CNTN5: variants seen among roughly 807,000 people sequenced by gnomAD.
The protein encoded by CNTN5 is contactin 5.
A neutral mutation model predicts 129.1 loss-of-function variants in CNTN5; 77 were observed. That is an observed-to-expected ratio of 0.60 (90% CI 0.50 to 0.72). CNTN5 has a LOEUF of 0.72. Among genes scored for constraint, CNTN5 ranks in the 30% least tolerant of loss-of-function variants. The pLI, the probability that CNTN5 is intolerant of heterozygous loss-of-function variation, is 0.00. For missense variants in CNTN5, 1,478 were observed against 1,328.8 expected (o/e 1.11, Z -1.75); for synonymous variants, 509 against 465.6 (o/e 1.09, Z -1.20).
At chr11:99,212,466 G>T (rs977908082) in intron 1 of CNTN5, among the ~76,000 whole-genome samples, 1 of 152,108 alleles carries the variant, frequency 6.6e-6, no homozygotes, top group Non-Finnish European at 1.5e-5. Context: ...CGTCGAAGGT[G>T]CTTCTGAGCA....
At position 99,347,987 on chromosome 11, in the gene CNTN5, C is replaced by A. The variant is rs562364851; in HGVS notation, c.-71+22503C>A. ...TGCATTTGAACAGCTGAATTTGTTT[C>A]TTTATATGGTTGAATTATCATTAAT... On this transcript the variant is annotated intron_variant, in intron 2 of 24. Coordinates refer to ENST00000524871, the MANE Select transcript of CNTN5 (RefSeq NM_014361.4). Among the ~76,000 whole-genome samples the A allele has an allele frequency of 1.4e-3, 213 of 152,122 alleles. 3 individuals carry two copies. The South Asian group carries it at 0.043, about 31-fold the overall frequency.
intron 6 of CNTN5, among the ~76,000 whole-genome samples, chr11:99,849,562 G>C (rs1303992781): frequency 6.6e-6 from 1 of 151,968 alleles, no homozygotes. Flanking sequence ...CTAAAATCTA[G>C]GTGCTGCAGG....
chr11:99,950,057 T>C (rs1950636716), intron 7 of CNTN5, among the ~76,000 whole-genome samples: 1 of 152,252 alleles, frequency 6.6e-6, no homozygotes, highest in Non-Finnish European at 1.5e-5. Flanking sequence ...ATTATTACTT[T>C]GTTTTGTTCA....
chr11:99,812,535 T>C (rs1205477481), intron 3 of CNTN5, among the ~76,000 whole-genome samples: 1 of 152,182 alleles, frequency 6.6e-6, no homozygotes, highest in Non-Finnish European at 1.5e-5. Context: ...TATATTACTT[T>C]ATTTGATCTT....
intron 2 of CNTN5, among the ~76,000 whole-genome samples, chr11:99,432,726 T>C (rs1212752707): frequency 1.3e-5 from 2 of 151,704 alleles, no homozygotes; most frequent in East Asian, 1.9e-4. Context: ...AAATAGAAGA[T>C]GAAATTGGAG....
At position 99,960,438 on chromosome 11, in the gene CNTN5, T is replaced by G. The variant is rs189419952; in HGVS notation, c.877+3429T>G. Among the ~76,000 whole-genome samples the G allele has an allele frequency of 2.6e-5, 4 of 152,210 alleles. No homozygotes were observed. The East Asian group carries it at 7.7e-4, about 29-fold the overall frequency. On this transcript the variant is annotated intron_variant, in intron 8 of 24. Coordinates refer to ENST00000524871, the MANE Select transcript of CNTN5 (RefSeq NM_014361.4). ...CTTCTATACTTCTTCTTAGACTAACTCTATAAACTGGAAAATCAATAAATA... is the reference window on the plus strand; with the variant it reads ...CTTCTATACTTCTTCTTAGACTAACGCTATAAACTGGAAAATCAATAAATA...
At chr11:99,692,250 A>C (rs1220070842) in intron 3 of CNTN5, among the ~76,000 whole-genome samples, 1 of 152,112 alleles carries the variant, frequency 6.6e-6, no homozygotes, top group South Asian at 2.1e-4. Flanking sequence ...ATTCAAGGTT[A>C]TTGTTATGTG....
At chr11:99,677,955 C>T (rs1417563532) in intron 3 of CNTN5, among the ~76,000 whole-genome samples, 1 of 152,026 alleles carries the variant, frequency 6.6e-6, no homozygotes, top group Admixed American at 6.6e-5. Context: ...CTCCTTGGTA[C>T]TCTCGAAAAA....
intron 22 of CNTN5, among the ~76,000 whole-genome samples, 155 bp from the exon 23 acceptor site, chr11:100,340,938 G>A (rs1319761726): frequency 1.3e-5 from 2 of 152,148 alleles, no homozygotes; most frequent in Admixed American, 6.5e-5. Context: ...GACACTCCTG[G>A]AGCAAAACCC....
At chr11:99,625,400 C>T (rs886917569) in intron 3 of CNTN5, among the ~76,000 whole-genome samples, 1 of 152,134 alleles carries the variant, frequency 6.6e-6, no homozygotes, top group African/African-American at 2.4e-5. Flanking sequence ...AGTAACATCA[C>T]CAGTAACATA....
intron 1 of CNTN5, among the ~76,000 whole-genome samples, chr11:99,051,472 C>T (rs903505823): frequency 1.3e-5 from 2 of 151,822 alleles, no homozygotes; most frequent in Non-Finnish European, 2.9e-5. Context: ...AATTTTTCTG[C>T]GGTGATTTCA....
chr11:99,615,816 T>G (rs997298784), intron 3 of CNTN5, among the ~76,000 whole-genome samples: 3 of 151,386 alleles, frequency 2.0e-5, no homozygotes, highest in Non-Finnish European at 4.4e-5. Flanking sequence ...GGCTGGAGAG[T>G]AGTGGCATGA....
At chr11:99,597,472 G>A (rs751026458) in intron 3 of CNTN5, among the ~76,000 whole-genome samples, 12 of 151,358 alleles carry the variant, frequency 7.9e-5, no homozygotes, top group Non-Finnish European at 1.6e-4. Flanking sequence ...GAGTAGTGAG[G>A]GGAGCTTGGA....
intron 21 of CNTN5, among the ~76,000 whole-genome samples, chr11:100,313,423 A>C (rs1440925914): frequency 6.8e-6 from 1 of 146,800 alleles, no homozygotes; most frequent in Non-Finnish European, 1.5e-5. Context: ...TCTGGCTTGG[A>C]CACATAGGTA....
chr11:99,851,954 T>C (rs1947886914), intron 6 of CNTN5, among the ~76,000 whole-genome samples: 1 of 152,212 alleles, frequency 6.6e-6, no homozygotes, highest in Non-Finnish European at 1.5e-5. Flanking sequence ...TAAAATGATT[T>C]GAATAATCCC....
At chr11:99,591,952 A>T (rs1480863683) in intron 3 of CNTN5, among the ~76,000 whole-genome samples, 2 of 152,170 alleles carry the variant, frequency 1.3e-5, no homozygotes, top group African/African-American at 4.8e-5. Flanking sequence ...AAAAGTAACA[A>T]TTTTTTTAAG....
In CNTN5 at chr11:99,413,629, AC is replaced by A. The variant is rs1438952036; in HGVS notation, c.-71+88146del. ...GAGGAACTCCATCTCAAAAAACAAAACAAAACAAAACAAAAACAAAAAAACA... is the reference window on the plus strand; with the variant it reads ...GAGGAACTCCATCTCAAAAAACAAAAAAAACAAAACAAAAACAAAAAAACA... On this transcript the variant is annotated intron_variant, in intron 2 of 24. Coordinates refer to ENST00000524871, the MANE Select transcript of CNTN5 (RefSeq NM_014361.4). Among the ~76,000 whole-genome samples, 103 of 152,102 alleles carry A rather than the reference AC, an allele frequency of 6.8e-4. 1 individual carries two copies. The highest frequency in any genetic ancestry group is 2.4e-3 in the African/African-American group (99 of 41,494).
intron 2 of CNTN5, among the ~76,000 whole-genome samples, chr11:99,554,428 G>A (rs577001020): frequency 1.8e-4 from 27 of 152,116 alleles, no homozygotes; most frequent in African/African-American, 4.6e-4. Flanking sequence ...CCTTTTGATG[G>A]CTCTCAACCC....
In CNTN5 at chr11:99,281,415, G is replaced by A. The variant is rs190451192; in HGVS notation, c.-209-43931G>A. 2.6e-5 allele frequency among the ~76,000 whole-genome samples: 4 copies of A among 152,080 alleles called. No individual in the cohort carries two copies. In the Admixed American group the frequency reaches 2.6e-4, roughly 10 times the overall value. On this transcript the variant is annotated intron_variant, in intron 1 of 24. Coordinates refer to ENST00000524871, the MANE Select transcript of CNTN5 (RefSeq NM_014361.4). Reference sequence around the variant, plus strand: ...AAAAGGCAATTTCTGTAACACTGATGTAAGTGCAAAATCAGCTAAGAGTGA... The same window carrying A: ...AAAAGGCAATTTCTGTAACACTGATATAAGTGCAAAATCAGCTAAGAGTGA...
Sources: allele counts gnomAD v4.1 joint callset (sites outside exome capture counted in the v4.1 genomes callset), GRCh38; gene constraint gnomAD v4.1.1; transcripts MANE v1.5; gene names NCBI Gene and HGNC (gene_info 2026-07-23, HGNC 2026-07-21).